Variants in ZNF717 observed in about 807,000 individuals in gnomAD.
The protein encoded by ZNF717 is zinc finger protein 717.
In ZNF717, 9 loss-of-function variants were observed where a neutral mutation model predicts 13.8. The observed-to-expected ratio is 0.65, with a 90% CI of 0.39 to 1.14. ZNF717 has a LOEUF of 1.14. Among genes scored for constraint, ZNF717 ranks in the 50% most tolerant of loss-of-function variants. The pLI is 0.01. For synonymous variants in ZNF717, 327 were observed against 364.1 expected (o/e 0.90, Z 1.16); for missense variants, 1,040 against 1,080.7 (o/e 0.96, Z 0.53).
intron 2 of ZNF717, 129 bp from the exon 3 acceptor site, chr3:75,741,865 C>T: frequency 2.4e-6 from 3 of 1,237,896 alleles, no homozygotes; most frequent in Non-Finnish European, 3.3e-6. Flanking sequence ...GACACCAACC[C>T]CTGTAATGGC....
chr3:75,739,323 A>G lies in ZNF717; in HGVS notation c.300T>C (p.Leu100=). 6.7e-7 allele frequency: 1 copy of G among 1,485,674 alleles called. No individual in the cohort carries two copies. Among genetic ancestry groups the G allele is most frequent in the Non-Finnish European group, 8.9e-7 (1 of 1,119,372 alleles). The allele number at this position is 1,485,674 out of a possible 1,614,324, so 92.0% of individuals were successfully genotyped here. ...CATGACTTTCATGGCTCCTTTCAATAAGGTCATCAATGATCTGGACAGCTG... is the reference window on the plus strand; with the variant it reads ...CATGACTTTCATGGCTCCTTTCAATGAGGTCATCAATGATCTGGACAGCTG... ...RLSAVQIIDD[L]IERSHESHDR... is the part of the protein sequence containing the mutation. The change falls in exon 5 of 5, where the codon CTT becomes CTC. Residue 100 remains leucine (L), a synonymous_variant. Coordinates refer to ENST00000652011, the MANE Select transcript of ZNF717 (RefSeq NM_001290208.3).
chr3:75,722,675 G>A (rs200705263), intron 4 of ZNF717, among the ~76,000 whole-genome samples: 1 of 150,722 alleles, frequency 6.6e-6, no homozygotes, highest in African/African-American at 2.4e-5. Flanking sequence ...ATTAGCCAGC[G>A]TGGTGGTGAG....
chr3:75,720,859 A>C (rs1938154204), intron 4 of ZNF717, among the ~76,000 whole-genome samples: 1 of 152,220 alleles, frequency 6.6e-6, no homozygotes, highest in Non-Finnish European at 1.5e-5. Flanking sequence ...CAAAATAAAA[A>C]GCAATCGCCT....
chr3:75,742,089 C>G (rs113240268), intron 2 of ZNF717, among the ~76,000 whole-genome samples: 6,819 of 86,624 alleles, frequency 0.079, no homozygotes, highest in Middle Eastern at 0.12. Context: ...TTACAAAGTT[C>G]ACCTTATAGA....
chr3:75,752,276 A>G (rs371098576), intron 2 of ZNF717, among the ~76,000 whole-genome samples: 2 of 146,418 alleles, frequency 1.4e-5, no homozygotes. Flanking sequence ...TGTCCCTCAG[A>G]TAAGATTCCA....
chr3:75,719,870 AT>A (rs1938134504), intron 4 of ZNF717, among the ~76,000 whole-genome samples: 1 of 152,026 alleles, frequency 6.6e-6, no homozygotes, highest in Admixed American at 6.6e-5. Flanking sequence ...AGGCATGATA[AT>A]CACTTGAACC....
At chr3:75,712,309 T>A (rs1338398029) in intron 5 of ZNF717, among the ~76,000 whole-genome samples, 1 of 152,272 alleles carries the variant, frequency 6.6e-6, no homozygotes, top group Non-Finnish European at 1.5e-5. Flanking sequence ...GAATTAAAAC[T>A]CAAAACCTCT....
chr3:75,753,425 G>C (rs929837055), intron 2 of ZNF717, among the ~76,000 whole-genome samples: 1 of 151,486 alleles, frequency 6.6e-6, no homozygotes, highest in Non-Finnish European at 1.5e-5. Flanking sequence ...TAGGATTCCT[G>C]AACACTGCTA....
At chr3:75,754,555 T>A (rs557852074) in intron 2 of ZNF717, among the ~76,000 whole-genome samples, 1 of 146,548 alleles carries the variant, frequency 6.8e-6, no homozygotes, top group Non-Finnish European at 1.6e-5. Flanking sequence ...TGATAAAAAA[T>A]GTGGTAAATA....
intron 2 of ZNF717, among the ~76,000 whole-genome samples, chr3:75,753,397 G>A (rs796318800): frequency 1.4e-5 from 2 of 144,512 alleles, no homozygotes; most frequent in Non-Finnish European, 3.1e-5. Context: ...GCTGTGGTCT[G>A]AATGTTTGCC....
intron 6 of ZNF717, among the ~76,000 whole-genome samples, chr3:75,703,982 A>G (rs1559566691): frequency 6.6e-6 from 1 of 152,312 alleles, no homozygotes; most frequent in Admixed American, 6.5e-5. Flanking sequence ...AAGCCTGAAA[A>G]ATGTATAAAT....
intron 5 of ZNF717, among the ~76,000 whole-genome samples, chr3:75,712,207 AC>A: frequency 6.6e-6 from 1 of 151,260 alleles, no homozygotes; most frequent in Non-Finnish European, 1.5e-5. Flanking sequence ...CCATCCTCAA[AC>A]TAGGCAAATT....
intron 6 of ZNF717, among the ~76,000 whole-genome samples, chr3:75,704,348 C>A (rs1937757601): frequency 6.6e-6 from 1 of 152,300 alleles, no homozygotes. Flanking sequence ...CATCTTTCGG[C>A]AATATCATGA....
chr3:75,775,152 C>G (rs932702070), intron 2 of ZNF717, among the ~76,000 whole-genome samples: 1 of 151,376 alleles, frequency 6.6e-6, no homozygotes, highest in African/African-American at 2.4e-5. Flanking sequence ...TTAATAGGGA[C>G]AGGATTTTAC....
At chr3:75,696,008 C>T (rs1201360669) in intron 6 of ZNF717, among the ~76,000 whole-genome samples, 6 of 152,260 alleles carry the variant, frequency 3.9e-5, no homozygotes, top group Non-Finnish European at 8.8e-5. Flanking sequence ...GAAAACAATG[C>T]AAAAGACTAA....
At chr3:75,778,153 C>G (rs1486692194) in intron 2 of ZNF717, among the ~76,000 whole-genome samples, 1 of 151,702 alleles carries the variant, frequency 6.6e-6, no homozygotes, top group Non-Finnish European at 1.5e-5. Context: ...AAACCAGAAC[C>G]CAAAACAATG....
At chr3:75,756,226 G>A (rs1165429490) in intron 2 of ZNF717, among the ~76,000 whole-genome samples, 4 of 152,208 alleles carry the variant, frequency 2.6e-5, no homozygotes, top group South Asian at 2.1e-4. Context: ...AATCACACCC[G>A]GATAAGACAG....
At chr3:75,727,517 T>C (rs1197110057), downstream of ZNF717, among the ~76,000 whole-genome samples, 1 of 151,952 alleles carries the variant, frequency 6.6e-6, no homozygotes, top group Non-Finnish European at 1.5e-5. Context: ...TTCCTGGGGG[T>C]AGGTCTATAG....
rs1940021143 is a variant in ZNF717 at position 75,739,268 on chromosome 3, T to A, written c.355A>T (p.Asn119Tyr). The A allele has an allele frequency of 2.0e-6, 3 of 1,527,770 alleles. No individual in the cohort carries two copies. Among genetic ancestry groups the A allele is most frequent in the Middle Eastern group, 1.7e-4 (1 of 5,842 alleles). The allele number at this position is 1,527,770 out of a possible 1,614,324, so 94.6% of individuals were successfully genotyped here. Residue 119 changes from asparagine to tyrosine, a missense_variant, in exon 5 of 5, where the codon AAC (asparagine) becomes TAC (tyrosine). Coordinates refer to ENST00000652011, the MANE Select transcript of ZNF717 (RefSeq NM_001290208.3). Reference protein sequence around the residue: ...DRFFWQIVITNSNTSTQERVE... With the variant: ...DRFFWQIVITYSNTSTQERVE... ...CTCTCCTGAGTTGATGTGTTGCTGT[T>A]GGTGATTACAATTTGCCAGAAAAAT...
Sources: gnomAD v4.1 joint callset for allele counts (sites outside exome capture counted in the v4.1 genomes callset) on GRCh38, gnomAD v4.1.1 for gene constraint, MANE v1.5 for transcripts, NCBI Gene and HGNC (gene_info 2026-07-23, HGNC 2026-07-21) for gene names.